Variants in KRT8 observed in about 807,000 individuals in gnomAD.
KRT8 encodes the protein keratin, type II cytoskeletal 8.
Under a neutral mutation model 43.0 loss-of-function variants are expected in KRT8, and 24 were observed. That is an observed-to-expected ratio of 0.56 (90% CI 0.40 to 0.78). The LOEUF is 0.78. Among genes scored for constraint, KRT8 ranks in the 30% least tolerant of loss-of-function variants. The pLI, the probability that KRT8 is intolerant of heterozygous loss-of-function variation, is 0.00. For synonymous variants in KRT8, 214 were observed against 261.2 expected, an observed-to-expected ratio of 0.82 and a Z score of 1.74; for missense variants, 492 against 638.4, an observed-to-expected ratio of 0.77 and a Z score of 2.47.
rs1942407354 is a variant in KRT8, at chr12:52,949,071, G to T, written c.-47+385C>A. 15 of 1,111,214 alleles carry T rather than the reference G, an allele frequency of 1.3e-5. No individual in the cohort carries two copies. In the South Asian group the frequency reaches 1.9e-4, roughly 14 times the overall value. The allele number at this position is 1,111,214 out of a possible 1,614,324, so 68.8% of individuals were successfully genotyped here. ...CTTCCGAAGCGGCTCCGGGGCGGGG[G>T]CGGGGCCTCACTCTGCGATATAACT... On this transcript the variant is annotated intron_variant, in intron 2 of 6. Transcript: ENST00000546826.
intron 2 of KRT8, among the ~76,000 whole-genome samples, chr12:52,921,612 T>C (rs1941887895): frequency 1.3e-5 from 2 of 151,960 alleles, no homozygotes; most frequent in Admixed American, 1.3e-4. Context: ...CTAGCCTGGC[T>C]CTACCCCCAA....
chr12:52,932,303 G>A lies in KRT8; in HGVS notation c.-47+17153C>T, dbSNP rs146858102. Among the ~76,000 whole-genome samples the A allele has an allele frequency of 8.2e-4, 125 of 151,866 alleles. 3 individuals carry two copies. In the East Asian group the frequency reaches 0.018, roughly 22 times the overall value. ...AGGGTTTCACCATCTTGGCTAGGCT[G>A]GTCTTGAACTCCTGACCTCGTGATC... On this transcript the variant is annotated intron_variant, in intron 2 of 6. Transcript: ENST00000546826.
intron 7 of KRT8, 36 bp from the exon 8 acceptor site, chr12:52,897,654 A>C: frequency 6.3e-7 from 1 of 1,597,578 alleles, no homozygotes; most frequent in Non-Finnish European, 8.5e-7. Flanking sequence ...TGAGTACAGA[A>C]GCCCACCCCA....
chr12:52,938,135 G>GATATAT, intron 2 of KRT8, among the ~76,000 whole-genome samples: 1 of 50,064 alleles, frequency 2.0e-5, no homozygotes, highest in Non-Finnish European at 4.1e-5. Context: ...CCACTAGAAA[G>GATATAT]CTATATATAT....
chr12:52,943,309 G>A (rs1942295566), intron 2 of KRT8, among the ~76,000 whole-genome samples: 1 of 152,172 alleles, frequency 6.6e-6, no homozygotes, highest in Admixed American at 6.5e-5. Flanking sequence ...TCGCTCTACT[G>A]AAAGTGCTCT....
intron 2 of KRT8, among the ~76,000 whole-genome samples, chr12:52,942,289 C>T (rs922592882): frequency 3.3e-5 from 5 of 152,086 alleles, no homozygotes; most frequent in African/African-American, 7.2e-5. Context: ...AGAAGCTCGC[C>T]GACTTGGGCA....
chr12:52,949,821 T>C (rs1438893180), exon 1 of KRT8: 20 of 704,944 alleles, frequency 2.8e-5, no homozygotes, highest in Non-Finnish European at 4.7e-5. Flanking sequence ...GTTGAGAGCT[T>C]TACAGAGGAA....
Position 52,949,185 on chromosome 12 carries a change from C to A in KRT8, c.-47+271G>T, listed in dbSNP as rs769641289. The A allele has an allele frequency of 1.8e-5, 29 of 1,611,508 alleles. No homozygotes were observed. In the South Asian group the frequency reaches 3.0e-4, roughly 16 times the overall value. On this transcript the variant is annotated intron_variant, in intron 2 of 6. Transcript: ENST00000546826. ...TCTCCCCGGACAGCATGAGCTTCAC[C>A]ACTCGCTCCACCTTCTCCACCAACT...
At chr12:52,945,908 G>A (rs897914343) in intron 2 of KRT8, among the ~76,000 whole-genome samples, 1 of 148,868 alleles carries the variant, frequency 6.7e-6, no homozygotes, top group South Asian at 2.2e-4. Context: ...CCTAGTGCTG[G>A]GAATCTGGAG....
At chr12:52,941,873 C>T (rs74089288) in intron 2 of KRT8, among the ~76,000 whole-genome samples, 2,340 of 152,174 alleles carry the variant, frequency 0.015, 55 homozygotes, top group African/African-American at 0.052. Context: ...GCACGTAGAA[C>T]GCAAGCTCCA....
chr12:52,904,358 G>A (rs1473044573), intron 1 of KRT8, among the ~76,000 whole-genome samples: 2 of 152,186 alleles, frequency 1.3e-5, no homozygotes, highest in African/African-American at 4.8e-5. Context: ...GATTTGTAGA[G>A]AGGGGTGGTG....
exon 5 of KRT8, chr12:52,899,786 G>A (rs1941316517): frequency 1.9e-6 from 3 of 1,611,366 alleles, no homozygotes; most frequent in Non-Finnish European, 2.5e-6. Flanking sequence ...TGGCCTTTGA[G>A]GCCCTCAATC....
At chr12:52,918,628 G>A (rs769857469) in intron 2 of KRT8, among the ~76,000 whole-genome samples, 14 of 152,290 alleles carry the variant, frequency 9.2e-5, no homozygotes, top group Non-Finnish European at 2.1e-4. Flanking sequence ...GGTGTTAAGA[G>A]TTACTTCACC....
intron 2 of KRT8, among the ~76,000 whole-genome samples, chr12:52,918,781 A>C (rs1324859524): frequency 6.6e-6 from 1 of 151,886 alleles, no homozygotes; most frequent in Non-Finnish European, 1.5e-5. Flanking sequence ...GCCTTTCCCA[A>C]AGCCTTTCTC....
At chr12:52,899,644 C>T in intron 5 of KRT8, 131 bp downstream of exon 5, 1 of 755,848 alleles carries the variant, frequency 1.3e-6, no homozygotes, top group Middle Eastern at 3.8e-4. Flanking sequence ...TGAACTGTGG[C>T]TGCCCCTCCA....
intron 1 of KRT8, among the ~76,000 whole-genome samples, chr12:52,902,376 C>A (rs1387206495): frequency 6.6e-5 from 10 of 152,136 alleles, no homozygotes; most frequent in African/African-American, 2.4e-4. Context: ...GTATATTACA[C>A]ATCAATAAAA....
intron 2 of KRT8, among the ~76,000 whole-genome samples, chr12:52,928,461 C>G (rs1942031070): frequency 6.6e-6 from 1 of 152,158 alleles, no homozygotes; most frequent in African/African-American, 2.4e-5. Flanking sequence ...TCCACCAGTG[C>G]TCTGATCCAC....
intron 2 of KRT8, among the ~76,000 whole-genome samples, chr12:52,934,452 C>A (rs1167694756): frequency 2.0e-5 from 3 of 151,850 alleles, no homozygotes; most frequent in Non-Finnish European, 4.4e-5. Context: ...CCCAGCTACT[C>A]GGAAGGTTGA....
At chr12:52,903,268 AT>A (rs1370003433) in intron 1 of KRT8, among the ~76,000 whole-genome samples, 14 of 62,200 alleles carry the variant, frequency 2.3e-4, no homozygotes, top group African/African-American at 6.8e-4. Context: ...GGGCTCTCAT[AT>A]TCATTTTATA....
Sources: allele counts gnomAD v4.1 joint callset (sites outside exome capture counted in the v4.1 genomes callset), GRCh38; gene constraint gnomAD v4.1.1; transcripts MANE v1.5; gene names NCBI Gene and HGNC (gene_info 2026-07-23, HGNC 2026-07-21).